Variants in NOVA1 observed in about 807,000 individuals in gnomAD.
NOVA1 encodes the protein RNA-binding protein Nova-1.
In NOVA1, 7 loss-of-function variants were observed where a neutral mutation model predicts 38.0. That is an observed-to-expected ratio of 0.18 (90% confidence interval 0.10 to 0.35). The LOEUF is 0.35. NOVA1 is among the 10% of genes least tolerant of loss of function. NOVA1 has a pLI of 1.00. For synonymous variants in NOVA1, 270 were observed against 232.5 expected (o/e 1.16, Z -1.47); for missense variants, 460 against 616.0 (o/e 0.75, Z 2.68).
chr14:26,460,725 T>A (rs1219650221), intron 4 of NOVA1, among the ~76,000 whole-genome samples: 5 of 152,130 alleles, frequency 3.3e-5, no homozygotes, highest in South Asian at 2.1e-4. Context: ...ACACTTTTTT[T>A]AATTCCAAAA....
chr14:26,581,060 C>T (rs1566556758), intron 2 of NOVA1, among the ~76,000 whole-genome samples: 1 of 151,930 alleles, frequency 6.6e-6, no homozygotes, highest in Non-Finnish European at 1.5e-5. Flanking sequence ...GAAAGAGGTA[C>T]AGATACTACA....
intron 4 of NOVA1, among the ~76,000 whole-genome samples, chr14:26,455,528 C>G (rs1018140703): frequency 6.6e-6 from 1 of 151,914 alleles, no homozygotes; most frequent in Non-Finnish European, 1.5e-5. Context: ...CTTCAATGAA[C>G]CCTTCCTTCA....
chr14:26,459,443 C>G (rs1303254909), intron 4 of NOVA1, among the ~76,000 whole-genome samples: 1 of 152,042 alleles, frequency 6.6e-6, no homozygotes, highest in African/African-American at 2.4e-5. Context: ...TGTGTAAGTA[C>G]ATTCCATGAT....
At position 26,581,211 on chromosome 14, in the gene NOVA1, C is replaced by T. The variant is rs577551837; in HGVS notation, c.280+14199G>A. Among the ~76,000 whole-genome samples, 2 of 152,180 alleles carry T rather than the reference C, an allele frequency of 1.3e-5. 1 individual carries two copies. Among genetic ancestry groups the T allele is most frequent in the South Asian group, 4.1e-4 (2 of 4,828 alleles). Reference sequence around the variant, plus strand: ...AAGTCTTGTATTCGTCGTACTTCCACAGAGGCGTTAAGAAGTACTGAACTG... The same window carrying T: ...AAGTCTTGTATTCGTCGTACTTCCATAGAGGCGTTAAGAAGTACTGAACTG... On this transcript the variant is annotated intron_variant, in intron 2 of 4. Coordinates refer to ENST00000539517, the MANE Select transcript of NOVA1 (RefSeq NM_002515.3).
chr14:26,596,644 T>C lies in NOVA1; in HGVS notation c.136+657A>G. 3 of 1,289,098 alleles carry C rather than the reference T, an allele frequency of 2.3e-6. No individual in the cohort carries two copies. In the South Asian group the frequency reaches 3.7e-5, roughly 16 times the overall value. 79.9% of individuals were successfully genotyped at this position (1,289,098 alleles called of 1,614,324 possible). On this transcript the variant is annotated intron_variant, in intron 1 of 4. Transcript: ENST00000539517. ...AATGAAGAAGCGATATCGGTCCCGT[T>C]AAAACTCATCTTCCAAGGAAGCGCA...
intron 2 of NOVA1, among the ~76,000 whole-genome samples, chr14:26,488,942 A>C (rs1157786053): frequency 5.9e-5 from 9 of 152,088 alleles, no homozygotes; most frequent in Admixed American, 5.9e-4. Flanking sequence ...AGCTGGGAAA[A>C]CAGTTTGCAC....
chr14:26,463,050 G>T (rs1013462015), intron 4 of NOVA1, among the ~76,000 whole-genome samples: 1 of 152,046 alleles, frequency 6.6e-6, no homozygotes, highest in Non-Finnish European at 1.5e-5. Flanking sequence ...TCTTCATATT[G>T]TATGACAATA....
intron 2 of NOVA1, among the ~76,000 whole-genome samples, chr14:26,481,205 A>G (rs971259195): frequency 2.0e-5 from 3 of 152,092 alleles, no homozygotes; most frequent in African/African-American, 4.8e-5. Context: ...TTTCCAAAAA[A>G]TGGGATTTTA....
intron 2 of NOVA1, among the ~76,000 whole-genome samples, chr14:26,530,700 T>C (rs1224614878): frequency 6.6e-6 from 1 of 152,108 alleles, no homozygotes; most frequent in East Asian, 1.9e-4. Flanking sequence ...CTATTACTTA[T>C]GTATTAGAAC....
Position 26,446,036 on chromosome 14 carries a change from A to G in NOVA1, c.*1923T>C, listed in dbSNP as rs1882037957. On this transcript the variant is annotated 3_prime_UTR_variant, in exon 5 of 5. Coordinates refer to ENST00000539517, the MANE Select transcript of NOVA1 (RefSeq NM_002515.3). ...ATAAATAGTCATTACCAATTAACAC[A>G]GTTTACTACAGCTTTTCTCTTTCAT... 1.3e-5 allele frequency: 2 copies of G among 152,566 alleles called. No homozygotes were observed. Among genetic ancestry groups the G allele is most frequent in the South Asian group, 4.1e-4 (2 of 4,830 alleles). 9.5% of individuals were successfully genotyped at this position (152,566 alleles called of 1,614,324 possible).
At chr14:26,532,476 A>C (rs1889787601) in intron 2 of NOVA1, among the ~76,000 whole-genome samples, 1 of 152,218 alleles carries the variant, frequency 6.6e-6, no homozygotes, top group South Asian at 2.1e-4. Flanking sequence ...GGAAAAGTCA[A>C]ATCTATAGTG....
In NOVA1 at chr14:26,580,157, G is replaced by T. The variant is rs116904526; in HGVS notation, c.280+15253C>A. Reference sequence around the variant, plus strand: ...TAAACATTTAGCTTCATCATTTAATGCATTATGACTTTCATTTTTGCTAGT... The same window carrying T: ...TAAACATTTAGCTTCATCATTTAATTCATTATGACTTTCATTTTTGCTAGT... On this transcript the variant is annotated intron_variant, in intron 2 of 4. Transcript: ENST00000539517. Among the ~76,000 whole-genome samples, 5 of 151,752 alleles carry T rather than the reference G, an allele frequency of 3.3e-5. No individual in the cohort carries two copies. In the East Asian group the frequency reaches 9.7e-4, roughly 29 times the overall value.
chr14:26,568,248 C>T (rs1006813137), intron 2 of NOVA1, among the ~76,000 whole-genome samples: 4 of 152,118 alleles, frequency 2.6e-5, no homozygotes, highest in Non-Finnish European at 4.4e-5. Flanking sequence ...TCTTTATATA[C>T]ACAGTCATTC....
intron 3 of NOVA1, chr14:26,479,392 C>T (rs1594368018): frequency 6.6e-6 from 1 of 151,896 alleles, no homozygotes; most frequent in Non-Finnish European, 1.5e-5. Context: ...AAATCTCGTA[C>T]ATTAAAAATG....
intron 2 of NOVA1, among the ~76,000 whole-genome samples, chr14:26,535,095 T>A (rs547544732): frequency 1.3e-5 from 2 of 152,220 alleles, no homozygotes; most frequent in East Asian, 1.9e-4. Flanking sequence ...TACAGAAGCA[T>A]AATAATCAGC....
chr14:26,532,263 A>C (rs1889769782), intron 2 of NOVA1, among the ~76,000 whole-genome samples: 1 of 152,248 alleles, frequency 6.6e-6, no homozygotes, highest in Admixed American at 6.5e-5. Context: ...TATTCCTAAT[A>C]GTCAAGAACT....
intron 2 of NOVA1, among the ~76,000 whole-genome samples, chr14:26,584,977 G>C (rs529956375): frequency 6.6e-6 from 1 of 151,298 alleles, no homozygotes; most frequent in Admixed American, 6.6e-5. Context: ...AGAAGGGCAC[G>C]GGGAAACAGA....
intron 2 of NOVA1, among the ~76,000 whole-genome samples, chr14:26,512,535 T>C (rs982228268): frequency 4.6e-5 from 7 of 152,148 alleles, no homozygotes; most frequent in Non-Finnish European, 1.0e-4. Flanking sequence ...TCAATTAAAC[T>C]CTTAAATTGC....
At position 26,561,121 on chromosome 14, in the gene NOVA1, C is replaced by T. The variant is rs181538904; in HGVS notation, c.280+34289G>A. On this transcript the variant is annotated intron_variant, in intron 2 of 4. Transcript: ENST00000539517. Reference sequence around the variant, plus strand: ...GGGTTTCCGTCCTATGAGATTCTAACGCCACTGCTGATCTGACAGGAGGCG... The same window carrying T: ...GGGTTTCCGTCCTATGAGATTCTAATGCCACTGCTGATCTGACAGGAGGCG... 2.2e-4 allele frequency among the ~76,000 whole-genome samples: 33 copies of T among 152,204 alleles called. No individual in the cohort carries two copies. The East Asian group carries it at 2.5e-3, about 12-fold the overall frequency.
Sources: gnomAD v4.1 joint callset for allele counts (sites outside exome capture counted in the v4.1 genomes callset) on GRCh38, gnomAD v4.1.1 for gene constraint, MANE v1.5 for transcripts, NCBI Gene and HGNC (gene_info 2026-07-23, HGNC 2026-07-21) for gene names.